ODAD2: variants seen among roughly 807,000 people sequenced by gnomAD.
The protein encoded by ODAD2 is outer dynein arm-docking complex subunit 2.
Under a neutral mutation model 106.8 loss-of-function variants are expected in ODAD2, and 89 were observed. The ratio of observed to expected loss-of-function variants is 0.83; its 90% CI spans 0.70 to 0.99. The LOEUF is 0.99. Ranked by LOEUF, ODAD2 falls within the 50% of genes least tolerant of loss-of-function variation. The probability of loss-of-function intolerance (pLI) is 0.00; values close to 1 mark genes in which losing one functional copy is unlikely to be tolerated. For synonymous variants in ODAD2, 404 were observed against 436.2 expected (o/e 0.93, Z 0.92); for missense variants, 1,168 against 1,238.5 (o/e 0.94, Z 0.85).
intron 2 of ODAD2, 73 bp downstream of exon 2, chr10:27,994,846 C>T: frequency 2.6e-6 from 4 of 1,524,106 alleles, no homozygotes; most frequent in South Asian, 2.6e-5. Flanking sequence ...TGACTTGCCC[C>T]CAAACCTAGA....
chr10:27,894,465 T>C (rs774235207), intron 17 of ODAD2, among the ~76,000 whole-genome samples: 4 of 152,064 alleles, frequency 2.6e-5, no homozygotes, highest in Non-Finnish European at 4.4e-5. Flanking sequence ...GATTAACCTA[T>C]GATATAAAGT....
At chr10:27,866,488 G>C (rs1456302342) in intron 17 of ODAD2, among the ~76,000 whole-genome samples, 4 of 152,090 alleles carry the variant, frequency 2.6e-5, no homozygotes, top group Non-Finnish European at 4.4e-5. Flanking sequence ...ACTTTTCCAA[G>C]GATCATCTTG....
intron 10 of ODAD2, among the ~76,000 whole-genome samples, chr10:27,960,147 T>C (rs1256260918): frequency 6.6e-6 from 1 of 151,988 alleles, no homozygotes; most frequent in Non-Finnish European, 1.5e-5. Context: ...TAGAGGTTTG[T>C]TTCATGACAA....
chr10:27,885,725 A>G (rs1457208610), intron 17 of ODAD2, among the ~76,000 whole-genome samples: 1 of 38,622 alleles, frequency 2.6e-5, no homozygotes, highest in South Asian at 6.6e-4. Flanking sequence ...TATATATTAT[A>G]TATAAAATAT....
chr10:27,921,164 T>C (rs1001604563), intron 16 of ODAD2, among the ~76,000 whole-genome samples: 3 of 152,068 alleles, frequency 2.0e-5, no homozygotes, highest in Non-Finnish European at 4.4e-5. Flanking sequence ...TAGAAATACC[T>C]GTTCCTTAAT....
intron 17 of ODAD2, among the ~76,000 whole-genome samples, chr10:27,885,232 C>T (rs925487867): frequency 6.6e-6 from 1 of 150,668 alleles, no homozygotes; most frequent in Non-Finnish European, 1.5e-5. Context: ...AAAAAATAGG[C>T]CTGGCATGGT....
intron 19 of ODAD2, among the ~76,000 whole-genome samples, chr10:27,858,835 G>A (rs1020834283): frequency 4.9e-5 from 6 of 123,444 alleles, no homozygotes; most frequent in Admixed American, 4.3e-4. Context: ...ACAGAGTCTC[G>A]CTCTATCACC....
rs753179587 is a variant in ODAD2, at chr10:27,971,232, G to A, written c.1018C>T (p.Arg340Cys). 3.0e-5 allele frequency: 49 copies of A among 1,613,772 alleles called. 2 individuals are homozygous for A. In the East Asian group the frequency reaches 3.3e-4, roughly 11 times the overall value. ...TTGTCTGAACCAGAAATGTCTTTGC[G>A]GAGGGCAGCTGCTTCTTCCTTCTTG... is the stretch of plus-strand genomic sequence containing the variant. ...APKKEEAAAL[R>C]KDISGSDKRS... Residue 340 changes from arginine (R) to cysteine (C), a missense_variant, in exon 8 of 20, where the codon CGC becomes TGC. Coordinates refer to ENST00000305242, the MANE Select transcript of ODAD2 (RefSeq NM_018076.5).
At chr10:27,858,772 C>T (rs1426476514) in intron 19 of ODAD2, among the ~76,000 whole-genome samples, 1 of 150,070 alleles carries the variant, frequency 6.7e-6, no homozygotes, top group African/African-American at 2.5e-5. Flanking sequence ...GCATTTATGT[C>T]AACTGAACCA....
At chr10:27,840,480 C>T (rs537825572) in intron 19 of ODAD2, among the ~76,000 whole-genome samples, 1 of 152,296 alleles carries the variant, frequency 6.6e-6, no homozygotes, top group East Asian at 1.9e-4. Context: ...TGGAAGCCAT[C>T]TTGTAAAGTA....
rs747488108 is a variant in ODAD2, at chr10:27,961,687, C to T, written c.1267G>A (p.Val423Ile). 29 of 1,606,204 alleles carry T rather than the reference C, an allele frequency of 1.8e-5. No homozygotes were observed. Among genetic ancestry groups the T allele is most frequent in the Non-Finnish European group, 2.5e-5 (29 of 1,175,576 alleles). ...TCACTTTCTGAGGAGCTATCGCTAA[C>T]AGTTTCCTCAATCTTTTCAGCACTC... ...RKSAEKIEET[V>I]SDSSSESEED... Residue 423 changes from valine to isoleucine, a missense_variant, in exon 10 of 20, where the codon GTT becomes ATT. By Grantham distance (29) the Val-to-Ile change is conservative. Coordinates refer to ENST00000305242, the MANE Select transcript of ODAD2 (RefSeq NM_018076.5).
intron 7 of ODAD2, among the ~76,000 whole-genome samples, chr10:27,975,656 A>G (rs1849144051): frequency 6.6e-6 from 1 of 152,182 alleles, no homozygotes; most frequent in Non-Finnish European, 1.5e-5. Context: ...TTTCCCATAA[A>G]GAATATTCCA....
chr10:27,926,811 G>T (rs4237386), intron 16 of ODAD2, among the ~76,000 whole-genome samples: 82,229 of 151,772 alleles, frequency 0.54, 22,420 homozygotes, highest in Middle Eastern at 0.65. Context: ...GAAAATTATG[G>T]TCCCCAAAAC....
At position 27,820,777 on chromosome 10, in the gene ODAD2, C is replaced by CTTTTTTTTTTTTTTTTTTTTTTTTTTT. The variant is rs72095120; in HGVS notation, c.3022-8153_3022-8152insAAAAAAAAAAAAAAAAAAAAAAAAAAA. 4.7e-5 allele frequency among the ~76,000 whole-genome samples: 5 copies of CTTTTTTTTTTTTTTTTTTTTTTTTTTT among 105,554 alleles called. 1 individual carries two copies. The highest frequency in any genetic ancestry group is 1.9e-4 in the African/African-American group (5 of 25,690). The allele number at this position is 105,554 out of a possible 152,430, so 69.2% of individuals were successfully genotyped here. ...CAATTAAACCAATGAAGCCCAGCAA[C>CTTTTTTTTTTTTTTTTTTTTTTTTTTT]TTTTTTTTTTTTTTTTTTTTTTTTG... On this transcript the variant is annotated intron_variant, in intron 19 of 19. Coordinates refer to ENST00000305242, the MANE Select transcript of ODAD2 (RefSeq NM_018076.5).
chr10:27,835,138 C>T (rs1383604860), intron 19 of ODAD2, among the ~76,000 whole-genome samples: 1 of 152,190 alleles, frequency 6.6e-6, no homozygotes, highest in African/African-American at 2.4e-5. Flanking sequence ...ACAGTCCCAC[C>T]AGCAGGCCCT....
rs1837795882 is a variant in ODAD2, at chr10:27,835,397, A to G, written c.3022-22772T>C. ...CTCACACCTGTAGCCTGAACTTGAC[A>G]ATTCTACTCCTATAACAACAACAAC... On this transcript the variant is annotated intron_variant, in intron 19 of 19. Transcript: ENST00000305242. Among the ~76,000 whole-genome samples, 5 of 152,196 alleles carry G rather than the reference A, an allele frequency of 3.3e-5. No homozygotes were observed. The South Asian group carries it at 1.0e-3, about 31-fold the overall frequency.
At chr10:27,899,750 G>A (rs1334938327) in intron 17 of ODAD2, among the ~76,000 whole-genome samples, 3 of 152,318 alleles carry the variant, frequency 2.0e-5, no homozygotes, top group African/African-American at 7.2e-5. Flanking sequence ...ACTGTAGACA[G>A]ACTGCCTCTC....
intron 2 of ODAD2, among the ~76,000 whole-genome samples, chr10:27,993,290 C>T (rs1299463134): frequency 6.6e-6 from 1 of 152,172 alleles, no homozygotes; most frequent in Admixed American, 6.5e-5. Flanking sequence ...CTGAACAATA[C>T]AGAAATGACA....
At chr10:27,838,806 A>G (rs1264196649) in intron 19 of ODAD2, among the ~76,000 whole-genome samples, 1 of 152,198 alleles carries the variant, frequency 6.6e-6, no homozygotes, top group Non-Finnish European at 1.5e-5. Context: ...CTTTTTTAGA[A>G]GGCAATTATT....
Sources: gnomAD v4.1 joint callset for allele counts (sites outside exome capture counted in the v4.1 genomes callset) on GRCh38, gnomAD v4.1.1 for gene constraint, MANE v1.5 for transcripts, NCBI Gene and HGNC (gene_info 2026-07-23, HGNC 2026-07-21) for gene names.